FHOD3: variants seen among roughly 807,000 people sequenced by gnomAD.
The protein encoded by FHOD3 is formin homology 2 domain containing 3, also known as FH1/FH2 domain-containing protein 3.
In FHOD3, 90 loss-of-function variants were observed where a neutral mutation model predicts 173.0. The observed-to-expected ratio is 0.52, with a 90% CI of 0.44 to 0.62. The LOEUF is 0.62. FHOD3 is among the 20% of genes least tolerant of loss of function. The probability of loss-of-function intolerance (pLI) is 0.00; values close to 1 mark genes in which losing one functional copy is unlikely to be tolerated. For synonymous variants in FHOD3, 828 were observed against 823.0 expected, an observed-to-expected ratio of 1.01 and a Z score of -0.10; for missense variants, 1,945 against 2,034.7, an observed-to-expected ratio of 0.96 and a Z score of 0.85.
At chr18:36,520,133 A>AT (rs1452755514) in intron 5 of FHOD3, among the ~76,000 whole-genome samples, 2 of 151,444 alleles carry the variant, frequency 1.3e-5, no homozygotes, top group Non-Finnish European at 2.9e-5. Context: ...AATATTTTTT[A>AT]TTTTTTGTAA....
intron 3 of FHOD3, among the ~76,000 whole-genome samples, chr18:36,454,922 C>T (rs1469963995): frequency 6.6e-6 from 1 of 152,210 alleles, no homozygotes; most frequent in Non-Finnish European, 1.5e-5. Flanking sequence ...AACTGACTTG[C>T]TGCTTTTGCT....
intron 25 of FHOD3, among the ~76,000 whole-genome samples, chr18:36,757,637 A>T (rs2042687793): frequency 6.6e-6 from 1 of 152,202 alleles, no homozygotes; most frequent in African/African-American, 2.4e-5. Context: ...GCAAGTGGTA[A>T]CATTTAGAGA....
chr18:36,658,056 A>T lies in FHOD3; in HGVS notation c.1722-19A>T, dbSNP rs2036538739. On this transcript the variant is annotated intron_variant, in intron 13 of 28. Coordinates refer to ENST00000590592, the MANE Select transcript of FHOD3 (RefSeq NM_001281740.3). ...TTCTCTATCCTTTTCCCCCCAACTT[A>T]AACCTCTGCACTTCTTAGATACAGC... The T allele has an allele frequency of 6.4e-7, 1 of 1,558,294 alleles. No individual in the cohort carries two copies. The highest frequency in any genetic ancestry group is 2.3e-5 in the East Asian group (1 of 43,082).
At chr18:36,708,958 C>A in intron 17 of FHOD3, 137 bp from the exon 18 acceptor site, 2 of 1,060,336 alleles carry the variant, frequency 1.9e-6, no homozygotes, top group African/African-American at 1.6e-5. Flanking sequence ...GTTTGAATAA[C>A]CAGGGCATAG....
intron 14 of FHOD3, among the ~76,000 whole-genome samples, chr18:36,679,777 A>T (rs1390296219): frequency 6.6e-6 from 1 of 152,148 alleles, no homozygotes; most frequent in Admixed American, 6.5e-5. Context: ...TGTGGCATTC[A>T]TTCTTGAGCT....
intron 19 of FHOD3, among the ~76,000 whole-genome samples, chr18:36,723,758 C>G (rs866191708): frequency 3.9e-5 from 6 of 152,224 alleles, no homozygotes; most frequent in African/African-American, 1.4e-4. Flanking sequence ...AGCCCAGTGT[C>G]TATTATCAAT....
intron 3 of FHOD3, among the ~76,000 whole-genome samples, chr18:36,469,990 GTTC>G (rs2053183912): frequency 6.6e-6 from 1 of 152,170 alleles, no homozygotes; most frequent in Non-Finnish European, 1.5e-5. Flanking sequence ...ACCGGTTCCT[GTTC>G]TTCATCAAGA....
intron 27 of FHOD3, among the ~76,000 whole-genome samples, chr18:36,762,791 G>C (rs1260223025): frequency 6.8e-6 from 1 of 147,764 alleles, no homozygotes; most frequent in African/African-American, 2.5e-5. Flanking sequence ...GCAAGACTCT[G>C]TCTCAAAATA....
chr18:36,579,793 C>A (rs191976346), intron 6 of FHOD3, among the ~76,000 whole-genome samples: 14 of 152,194 alleles, frequency 9.2e-5, no homozygotes, highest in Admixed American at 3.9e-4. Flanking sequence ...AAATAAATTT[C>A]TGTTCTTCAT....
chr18:36,495,132 G>T (rs955094819), intron 3 of FHOD3, among the ~76,000 whole-genome samples: 2 of 152,044 alleles, frequency 1.3e-5, no homozygotes, highest in Non-Finnish European at 2.9e-5. Context: ...GTAGAGGCAG[G>T]ATTTCACCAG....
chr18:36,297,843 C>T lies in FHOD3; in HGVS notation c.8C>T (p.Thr3Met), dbSNP rs1258535181. Residue 3 changes from threonine (T) to methionine (M), a missense_variant, in exon 1 of 29, where the codon ACG (threonine) becomes ATG (methionine). Thr to Met is a moderately conservative substitution (Grantham distance 81, BLOSUM62 -1). This residue lies in a region of FHOD3 where 245 missense variants were observed against 267.7 expected (regional missense o/e 0.92). Coordinates refer to ENST00000590592, the MANE Select transcript of FHOD3 (RefSeq NM_001281740.3). MA[T>M]LACRVQFLDD... is the part of the protein sequence containing the mutation. ...CCGCGGCAGGGATGCATCATGGCCA[C>T]GCTGGCTTGCCGGGTGCAGTTCTTG... 1 of 1,527,290 alleles carries T rather than the reference C, an allele frequency of 6.5e-7. No homozygotes were observed. The highest frequency in any genetic ancestry group is 1.2e-5 in the South Asian group (1 of 81,912). 94.6% of individuals were successfully genotyped at this position (1,527,290 alleles called of 1,614,324 possible). A position where few individuals can be genotyped will look rare whatever the true frequency, so the allele number is the denominator to read the frequency against.
chr18:36,574,064 T>C (rs1288794207), intron 5 of FHOD3, among the ~76,000 whole-genome samples: 1 of 152,184 alleles, frequency 6.6e-6, no homozygotes, highest in African/African-American at 2.4e-5. Flanking sequence ...TTCTTCCAAA[T>C]GGAGGTAAAA....
chr18:36,656,769 G>A (rs1455520038), intron 13 of FHOD3, among the ~76,000 whole-genome samples: 1 of 151,894 alleles, frequency 6.6e-6, no homozygotes, highest in Admixed American at 6.6e-5. Context: ...TATAAAATTG[G>A]TAATCATTTT....
chr18:36,649,495 T>A, intron 11 of FHOD3, 90 bp downstream of exon 11: 1 of 935,424 alleles, frequency 1.1e-6, no homozygotes, highest in Non-Finnish European at 1.6e-6. Context: ...GCCACCTCCC[T>A]TCCTCATTGA....
intron 5 of FHOD3, among the ~76,000 whole-genome samples, chr18:36,521,242 G>T (rs114522930): frequency 6.6e-6 from 1 of 152,032 alleles, no homozygotes; most frequent in African/African-American, 2.4e-5. Context: ...TTCTAACCCT[G>T]TGATTTCCCC....
rs1291823542 is a variant in FHOD3, at chr18:36,585,896, TCTGCC to T, written c.607-8888_607-8884del. Among the ~76,000 whole-genome samples the T allele has an allele frequency of 2.6e-5, 4 of 152,288 alleles. No individual in the cohort carries two copies. The East Asian group carries it at 7.7e-4, about 29-fold the overall frequency. ...CATGCTGTTCCTTCCAGAGAGATGT[TCTGCC>T]CTTTTCTAGGAGAGTTGGATGAGCA... On this transcript the variant is annotated intron_variant, in intron 6 of 28. Transcript: ENST00000590592.
intron 17 of FHOD3, among the ~76,000 whole-genome samples, chr18:36,702,815 T>C (rs1183174733): frequency 1.3e-5 from 2 of 152,076 alleles, no homozygotes; most frequent in East Asian, 1.9e-4. Context: ...TGTGTGTGTG[T>C]GCGCGTGTGT....
intron 27 of FHOD3, among the ~76,000 whole-genome samples, chr18:36,763,245 A>T (rs1397758957): frequency 6.9e-6 from 1 of 145,818 alleles, no homozygotes. Flanking sequence ...TGCGTATTAT[A>T]CACGTTATAT....
At chr18:36,410,945 C>G (rs1466064013) in intron 3 of FHOD3, among the ~76,000 whole-genome samples, 2 of 152,076 alleles carry the variant, frequency 1.3e-5, no homozygotes, top group African/African-American at 4.8e-5. Context: ...AATATTTTCT[C>G]CCATTCTGTG....
Sources: gnomAD v4.1 joint callset for allele counts (sites outside exome capture counted in the v4.1 genomes callset) on GRCh38, gnomAD v4.1.1 for gene constraint, gnomAD v4.1.1 regional missense constraint, MANE v1.5 for transcripts, NCBI Gene and HGNC (gene_info 2026-07-23, HGNC 2026-07-21) for gene names.